Variants in CCN4 observed in about 807,000 individuals in gnomAD.
CCN4 encodes CCN family member 4.
Under a neutral mutation model 36.7 loss-of-function variants are expected in CCN4, and 30 were observed. The observed-to-expected ratio is 0.82, with a 90% CI of 0.61 to 1.11. The LOEUF is 1.11. CCN4 is among the 50% of genes least tolerant of loss of function. The pLI is 0.00. For missense variants in CCN4, 505 were observed against 504.9 expected (o/e 1.00, Z 0.00); for synonymous variants, 191 against 195.4 (o/e 0.98, Z 0.19).
At chr8:133,203,685 C>T (rs1853667438) in intron 1 of CCN4, among the ~76,000 whole-genome samples, 1 of 152,236 alleles carries the variant, frequency 6.6e-6, no homozygotes, top group Non-Finnish European at 1.5e-5. Flanking sequence ...CAAATGGGGT[C>T]CCCTCATTGC....
At position 133,229,745 on chromosome 8, in the gene CCN4, C is replaced by G. The variant is rs1854888570; in HGVS notation, c.*2035C>G. ...TATTCGAAGCTCTCTTCTTCCAAAG[C>G]TACATGAAAATAGAATTTTAACAGT... On this transcript the variant is annotated 3_prime_UTR_variant, in exon 5 of 5. Coordinates refer to ENST00000250160, the MANE Select transcript of CCN4 (RefSeq NM_003882.4). 6.6e-6 allele frequency: 1 copy of G among 152,170 alleles called. No homozygotes were observed. The highest frequency in any genetic ancestry group is 1.5e-5 in the Non-Finnish European group (1 of 68,036). The allele number at this position is 152,170 out of a possible 1,614,324, so 9.4% of individuals were successfully genotyped here.
intron 1 of CCN4, among the ~76,000 whole-genome samples, chr8:133,207,108 T>C (rs750679663): frequency 6.6e-6 from 1 of 152,130 alleles, no homozygotes; most frequent in Non-Finnish European, 1.5e-5. Flanking sequence ...CAGGGACAGA[T>C]TGGGTAAAGG....
intron 1 of CCN4, among the ~76,000 whole-genome samples, chr8:133,196,153 C>G (rs545436909): frequency 2.6e-4 from 39 of 152,338 alleles, no homozygotes; most frequent in Non-Finnish European, 4.7e-4. Flanking sequence ...TCACACTGAG[C>G]ATGTGCCCAC....
rs1399109635 is a variant in CCN4, at chr8:133,229,395, T to A, written c.*1685T>A. Reference sequence around the variant, plus strand: ...AAGACGAGAATATCTGATTTTCTGATAATTTAGGTGCTTAAGCATCCAAAA... The same window carrying A: ...AAGACGAGAATATCTGATTTTCTGAAAATTTAGGTGCTTAAGCATCCAAAA... On this transcript the variant is annotated 3_prime_UTR_variant, in exon 5 of 5. Transcript: ENST00000250160. 1.3e-5 allele frequency: 2 copies of A among 152,286 alleles called. No homozygotes were observed. The highest frequency in any genetic ancestry group is 2.9e-5 in the Non-Finnish European group (2 of 68,050). The allele number at this position is 152,286 out of a possible 1,614,324, so 9.4% of individuals were successfully genotyped here.
At chr8:133,227,295 A>C (rs1854771465) in intron 4 of CCN4, 116 bp from the exon 5 acceptor site, 2 of 1,092,466 alleles carry the variant, frequency 1.8e-6, no homozygotes, top group Non-Finnish European at 2.6e-6. Flanking sequence ...TGTGAAGCTG[A>C]AAGTAAGGTG....
intron 3 of CCN4, among the ~76,000 whole-genome samples, 155 bp downstream of exon 3, chr8:133,220,996 T>A (rs935830498): frequency 1.4e-4 from 21 of 152,282 alleles, no homozygotes; most frequent in African/African-American, 5.1e-4. Context: ...AGACCCTATT[T>A]CCCCATCTGT....
In CCN4 at chr8:133,225,379, C is replaced by G. The variant is rs1234563059; in HGVS notation, c.611-11C>G. 1 of 1,587,084 alleles carries G rather than the reference C, an allele frequency of 6.3e-7. No homozygotes were observed. Among genetic ancestry groups the G allele is most frequent in the Non-Finnish European group, 8.6e-7 (1 of 1,162,958 alleles). ...CTGTAGATTCATGCAGATTCTGTTC[C>G]CCACACACAGATGCTGTGGGTGAGG... On this transcript the variant is annotated splice_polypyrimidine_tract_variant and intron_variant, in intron 3 of 4. Coordinates refer to ENST00000250160, the MANE Select transcript of CCN4 (RefSeq NM_003882.4).
Position 133,212,633 on chromosome 8 carries a change from C to A in CCN4, c.70-231C>A, listed in dbSNP as rs1023785409. On this transcript the variant is annotated intron_variant, in intron 1 of 4. Transcript: ENST00000250160. The stretch of plus-strand genomic sequence containing the variant: ...GGTGGAATTTGGGCCCCACCGCTGA[C>A]CAGCGGAAGGATTCGGGCAATTGGT... 9.9e-5 allele frequency among the ~76,000 whole-genome samples: 15 copies of A among 152,284 alleles called. No homozygotes were observed. The South Asian group carries it at 1.9e-3, about 19-fold the overall frequency.
chr8:133,209,731 G>C (rs1853925285), intron 1 of CCN4, among the ~76,000 whole-genome samples: 1 of 152,192 alleles, frequency 6.6e-6, no homozygotes, highest in Non-Finnish European at 1.5e-5. Flanking sequence ...ACTCTGTTCT[G>C]GGCACAGTGG....
intron 1 of CCN4, among the ~76,000 whole-genome samples, chr8:133,210,558 A>AGCAAGGCCTT (rs1444067313): frequency 1.5e-4 from 23 of 152,260 alleles, no homozygotes; most frequent in African/African-American, 5.3e-4. Context: ...GTTCCCTACC[A>AGCAAGGCCTT]GCAAGGCCTT....
At chr8:133,223,805 C>T (rs190119129) in intron 3 of CCN4, among the ~76,000 whole-genome samples, 4 of 152,268 alleles carry the variant, frequency 2.6e-5, no homozygotes, top group Admixed American at 2.0e-4. Flanking sequence ...GCATCTTGTT[C>T]CATCTTTCTG....
intron 1 of CCN4, 135 bp downstream of exon 1, chr8:133,191,348 G>C (rs1853102790): frequency 9.4e-7 from 1 of 1,060,296 alleles, no homozygotes; most frequent in Non-Finnish European, 1.3e-6. Flanking sequence ...TACAGGGCAA[G>C]GACAGAGCCC....
chr8:133,212,704 G>A (rs1335717938), intron 1 of CCN4, among the ~76,000 whole-genome samples, 160 bp from the exon 2 acceptor site: 10 of 152,214 alleles, frequency 6.6e-5, no homozygotes, highest in African/African-American at 1.9e-4. Flanking sequence ...TTGTTTTACT[G>A]AGAATAAAGG....
At chr8:133,208,369 C>T (rs1178072461) in intron 1 of CCN4, among the ~76,000 whole-genome samples, 2 of 152,140 alleles carry the variant, frequency 1.3e-5, no homozygotes. Context: ...AGAAAGTGAA[C>T]TCCCAGAGTA....
chr8:133,228,446 G>A lies in CCN4; in HGVS notation c.*736G>A, dbSNP rs946255138. 1 of 152,234 alleles carries A rather than the reference G, an allele frequency of 6.6e-6. No homozygotes were observed. The highest frequency in any genetic ancestry group is 6.5e-5 in the Admixed American group (1 of 15,284). 9.4% of individuals were successfully genotyped at this position (152,234 alleles called of 1,614,324 possible). ...GTTAATACTCCAGAGACAGGGAAAG[G>A]TCAGCCCGTTTCAGAAGGACCAATT... On this transcript the variant is annotated 3_prime_UTR_variant, in exon 5 of 5. Transcript: ENST00000250160.
At chr8:133,218,958 C>G (rs1023639017) in intron 2 of CCN4, among the ~76,000 whole-genome samples, 12 of 152,212 alleles carry the variant, frequency 7.9e-5, no homozygotes, top group African/African-American at 2.9e-4. Flanking sequence ...CCCCGCACAG[C>G]CCCTCTGTCA....
chr8:133,196,134 G>A (rs1405707597), intron 1 of CCN4, among the ~76,000 whole-genome samples: 1 of 152,212 alleles, frequency 6.6e-6, no homozygotes, highest in African/African-American at 2.4e-5. Flanking sequence ...TGTGGATGGT[G>A]GCAAGGGTTC....
chr8:133,218,005 GAATGCAAAGATGAGTGAT>G (rs1854390414), intron 2 of CCN4, among the ~76,000 whole-genome samples: 2 of 149,952 alleles, frequency 1.3e-5, no homozygotes, highest in Non-Finnish European at 3.0e-5. Context: ...GGGTGACTCA[GAATGCAAAGATGAGTGAT>G]TCACCCAGCG....
At chr8:133,213,202 A>G in intron 2 of CCN4, 59 bp downstream of exon 2, 1 of 1,546,454 alleles carries the variant, frequency 6.5e-7, no homozygotes, top group South Asian at 1.2e-5. Flanking sequence ...TCTGGCCCCA[A>G]ACCCCTCTCC....
Sources: allele counts gnomAD v4.1 joint callset (sites outside exome capture counted in the v4.1 genomes callset), GRCh38; gene constraint gnomAD v4.1.1; transcripts MANE v1.5; gene names NCBI Gene and HGNC (gene_info 2026-07-23, HGNC 2026-07-21).